LHFPL3: variants seen among roughly 807,000 people sequenced by gnomAD.
The protein encoded by LHFPL3 is LHFPL tetraspan subfamily member 3 protein.
In LHFPL3, 5 loss-of-function variants were observed where a neutral mutation model predicts 19.3. That is an observed-to-expected ratio of 0.26 (90% CI 0.14 to 0.54). The LOEUF (loss-of-function observed/expected upper bound fraction) is 0.54, where lower values mean the gene tolerates loss of function less well. Among genes scored for constraint, LHFPL3 ranks in the 20% least tolerant of loss-of-function variants. LHFPL3 has a pLI of 0.94. For missense variants in LHFPL3, 249 were observed against 307.4 expected, an observed-to-expected ratio of 0.81 and a Z score of 1.42; for synonymous variants, 133 against 126.2, an observed-to-expected ratio of 1.05 and a Z score of -0.36.
At chr7:104,834,777 G>A (rs1261174265) in intron 2 of LHFPL3, among the ~76,000 whole-genome samples, 2 of 151,918 alleles carry the variant, frequency 1.3e-5, no homozygotes, top group Non-Finnish European at 2.9e-5. Flanking sequence ...GCTTCATGAT[G>A]GTTTCGGTGG....
At chr7:104,867,433 G>A (rs1394770740) in intron 2 of LHFPL3, among the ~76,000 whole-genome samples, 1 of 152,176 alleles carries the variant, frequency 6.6e-6, no homozygotes, top group African/African-American at 2.4e-5. Context: ...ACTACCATCA[G>A]AGAATACTAT....
At chr7:104,859,600 C>A (rs769273258) in intron 2 of LHFPL3, among the ~76,000 whole-genome samples, 4 of 151,666 alleles carry the variant, frequency 2.6e-5, no homozygotes, top group Non-Finnish European at 5.9e-5. Context: ...ACCCGGAAGG[C>A]GGAGGTTTCG....
chr7:104,767,700 C>T (rs943685435), intron 2 of LHFPL3, among the ~76,000 whole-genome samples: 2 of 152,218 alleles, frequency 1.3e-5, no homozygotes, highest in South Asian at 2.1e-4. Context: ...TTGAAAAAGA[C>T]GTGGAAGTTA....
intron 2 of LHFPL3, among the ~76,000 whole-genome samples, chr7:104,872,197 C>G (rs1299180344): frequency 6.6e-6 from 1 of 151,162 alleles, no homozygotes; most frequent in Non-Finnish European, 1.5e-5. Context: ...ATTATCTGGG[C>G]GTGGTGGCAC....
chr7:104,856,240 ATTTTTTTT>A (rs750683276), intron 2 of LHFPL3, among the ~76,000 whole-genome samples: 53 of 68,910 alleles, frequency 7.7e-4, no homozygotes, highest in Middle Eastern at 0.011. Context: ...GTCCCAGGAA[ATTTTTTTT>A]TTTTTTTTTT....
chr7:104,711,993 A>T (rs988443618), intron 1 of LHFPL3, among the ~76,000 whole-genome samples: 3 of 152,200 alleles, frequency 2.0e-5, no homozygotes, highest in African/African-American at 7.2e-5. Flanking sequence ...TCCACACCCT[A>T]ATCTCTGGAA....
chr7:104,500,991 A>G (rs528828327), intron 1 of LHFPL3, among the ~76,000 whole-genome samples: 2 of 152,242 alleles, frequency 1.3e-5, no homozygotes, highest in African/African-American at 4.8e-5. Context: ...ACCTGTATAG[A>G]GTTATCTCAG....
intron 1 of LHFPL3, among the ~76,000 whole-genome samples, chr7:104,392,986 C>A (rs558760475): frequency 1.4e-3 from 219 of 152,098 alleles, no homozygotes; most frequent in Admixed American, 1.4e-3. Flanking sequence ...GAAGTAACAA[C>A]CCAATTTAAA....
chr7:104,603,109 TC>T (rs1562947478), intron 1 of LHFPL3, among the ~76,000 whole-genome samples: 148 of 138,198 alleles, frequency 1.1e-3, no homozygotes, highest in African/African-American at 3.7e-3. Flanking sequence ...TTTCTTTCTT[TC>T]TTTCTTTCTT....
chr7:104,613,708 C>T (rs932384261), intron 1 of LHFPL3, among the ~76,000 whole-genome samples: 3 of 152,202 alleles, frequency 2.0e-5, no homozygotes, highest in African/African-American at 7.2e-5. Flanking sequence ...ACCTGCCCTT[C>T]CATGGCCCTG....
chr7:104,522,320 A>G (rs2115814169), intron 1 of LHFPL3, among the ~76,000 whole-genome samples: 1 of 144,358 alleles, frequency 6.9e-6, no homozygotes, highest in African/African-American at 2.6e-5. Context: ...TCTCACTCAT[A>G]GGTGGGAATT....
At chr7:104,360,562 G>T (rs1790371828) in intron 1 of LHFPL3, among the ~76,000 whole-genome samples, 1 of 152,162 alleles carries the variant, frequency 6.6e-6, no homozygotes, top group Non-Finnish European at 1.5e-5. Context: ...CCTTATAGCA[G>T]GTGAGCCAGC....
At chr7:104,587,679 C>A (rs1319116127) in intron 1 of LHFPL3, among the ~76,000 whole-genome samples, 2 of 151,836 alleles carry the variant, frequency 1.3e-5, no homozygotes, top group East Asian at 3.9e-4. Flanking sequence ...GTTCTAGATC[C>A]CTGAGGAATC....
At chr7:104,839,630 C>G (rs912656797) in intron 2 of LHFPL3, among the ~76,000 whole-genome samples, 6 of 152,034 alleles carry the variant, frequency 3.9e-5, no homozygotes, top group African/African-American at 1.4e-4. Context: ...GATCGTGCCA[C>G]TGCACTCTAG....
At chr7:104,834,103 T>C (rs966866586) in intron 2 of LHFPL3, among the ~76,000 whole-genome samples, 1 of 150,894 alleles carries the variant, frequency 6.6e-6, no homozygotes, top group Admixed American at 6.6e-5. Context: ...TTTCTGCCTG[T>C]TTATATTCGA....
intron 2 of LHFPL3, among the ~76,000 whole-genome samples, chr7:104,750,599 G>C (rs1794145011): frequency 6.6e-6 from 1 of 152,270 alleles, no homozygotes; most frequent in Non-Finnish European, 1.5e-5. Flanking sequence ...CCCTCAGGCA[G>C]TGGGCCATAT....
intron 1 of LHFPL3, among the ~76,000 whole-genome samples, chr7:104,618,776 A>T (rs1261252806): frequency 6.6e-6 from 1 of 152,230 alleles, no homozygotes; most frequent in Admixed American, 6.5e-5. Context: ...TCCAAATGAA[A>T]AAACAATAAG....
chr7:104,532,318 C>CTTTTTTTT (rs71155504), intron 1 of LHFPL3, among the ~76,000 whole-genome samples: 136 of 87,214 alleles, frequency 1.6e-3, no homozygotes, highest in East Asian at 2.5e-3. Flanking sequence ...TTCTTTCTGT[C>CTTTTTTTT]TTTTTTTTTT....
At chr7:104,364,910 G>T (rs943814952) in intron 1 of LHFPL3, among the ~76,000 whole-genome samples, 14 of 152,192 alleles carry the variant, frequency 9.2e-5, no homozygotes, top group Admixed American at 6.5e-5. Context: ...GGCTGGAAGA[G>T]ACTTTAGAAA....
Sources: gnomAD v4.1 joint callset for allele counts (sites outside exome capture counted in the v4.1 genomes callset) on GRCh38, gnomAD v4.1.1 for gene constraint, MANE v1.5 for transcripts, NCBI Gene and HGNC (gene_info 2026-07-23, HGNC 2026-07-21) for gene names.